The following C1orf94 variants were observed in gnomAD, a reference collection of about 807,000 sequenced individuals.
The protein encoded by C1orf94 is uncharacterized protein C1orf94.
C1orf94 carries 45 observed loss-of-function variants against 53.6 expected under a neutral mutation model. The ratio of observed to expected loss-of-function variants is 0.84; its 90% CI spans 0.66 to 1.08. The LOEUF (loss-of-function observed/expected upper bound fraction) is 1.08, where lower values mean the gene tolerates loss of function less well. Among genes scored for constraint, C1orf94 ranks in the 50% least tolerant of loss-of-function variants. The pLI is 0.00. For synonymous variants in C1orf94, 304 were observed against 296.1 expected (o/e 1.03, Z -0.27); for missense variants, 762 against 738.9 (o/e 1.03, Z -0.36).
chr1:34,198,076 C>T (rs1437427302), intron 2 of C1orf94, among the ~76,000 whole-genome samples, 163 bp downstream of exon 2: 4 of 152,238 alleles, frequency 2.6e-5, no homozygotes, highest in Non-Finnish European at 5.9e-5. Context: ...TTTCCAGCCC[C>T]CACAGGCTTA....
chr1:34,173,191 G>A (rs1445321039), upstream of C1orf94, among the ~76,000 whole-genome samples: 1 of 152,142 alleles, frequency 6.6e-6, no homozygotes, highest in Non-Finnish European at 1.5e-5. Context: ...TCTCGAGTAG[G>A]CACTAAGATT....
At chr1:34,168,415 G>A (rs1487174470) in intron 1 of C1orf94, among the ~76,000 whole-genome samples, 1 of 151,968 alleles carries the variant, frequency 6.6e-6, no homozygotes, top group Non-Finnish European at 1.5e-5. Flanking sequence ...GAGGAGGATG[G>A]GGCTGGATCC....
rs1326173584 is a variant in C1orf94 at position 34,188,989 on chromosome 1, C to T, written c.321-8236C>T. Among the ~76,000 whole-genome samples, 3 of 152,130 alleles carry T rather than the reference C, an allele frequency of 2.0e-5. No homozygotes were observed. In the East Asian group the frequency reaches 5.8e-4, roughly 29 times the overall value. On this transcript the variant is annotated intron_variant, in intron 1 of 6. Transcript: ENST00000488417. ...CCACCTTCCTTCCCTGTTTTCTTTC[C>T]TTCCTGCTGGTTTTCCAAGCAGGAA...
intron 1 of C1orf94, among the ~76,000 whole-genome samples, chr1:34,168,012 T>C (rs1055032413): frequency 6.6e-6 from 1 of 152,206 alleles, no homozygotes; most frequent in Non-Finnish European, 1.5e-5. Flanking sequence ...AAAATATGTA[T>C]ACAAATACAC....
chr1:34,181,153 C>T (rs965960177), intron 1 of C1orf94, among the ~76,000 whole-genome samples: 6 of 152,148 alleles, frequency 3.9e-5, no homozygotes, highest in Non-Finnish European at 8.8e-5. Flanking sequence ...AAATCTATGT[C>T]TTTTTTCTTT....
upstream of C1orf94, among the ~76,000 whole-genome samples, chr1:34,175,630 G>C (rs1159626482): frequency 6.6e-6 from 1 of 152,142 alleles, no homozygotes; most frequent in Admixed American, 6.5e-5. Context: ...GAGCAAGGTT[G>C]CGTATTGGGC....
At chr1:34,206,217 G>A (rs978569091) in intron 4 of C1orf94, among the ~76,000 whole-genome samples, 2 of 152,126 alleles carry the variant, frequency 1.3e-5, no homozygotes, top group Admixed American at 6.5e-5. Flanking sequence ...GGAGGACCAG[G>A]GCCACCAGCT....
At chr1:34,198,842 T>C (rs1201738806) in intron 2 of C1orf94, among the ~76,000 whole-genome samples, 1 of 152,208 alleles carries the variant, frequency 6.6e-6, no homozygotes, top group African/African-American at 2.4e-5. Flanking sequence ...CTGGACAGGC[T>C]TCTAGGAGCC....
At chr1:34,205,967 C>T (rs1233929802) in intron 4 of C1orf94, among the ~76,000 whole-genome samples, 1 of 152,160 alleles carries the variant, frequency 6.6e-6, no homozygotes, top group Non-Finnish European at 1.5e-5. Context: ...TTTACCCTTG[C>T]CTGTGATGTT....
chr1:34,201,056 G>A, intron 3 of C1orf94, 24 bp downstream of exon 3: 1 of 1,560,952 alleles, frequency 6.4e-7, no homozygotes, highest in Non-Finnish European at 8.7e-7. Flanking sequence ...CCCAGGGAGG[G>A]ATTGGAGGGG....
rs1043421578 is a variant in C1orf94, at chr1:34,208,044, G to A, written c.1447-113G>A. The A allele has an allele frequency of 1.0e-5, 11 of 1,048,752 alleles. No homozygotes were observed. The African/African-American group carries it at 1.7e-4, about 17-fold the overall frequency. The allele number at this position is 1,048,752 out of a possible 1,614,324, so 65.0% of individuals were successfully genotyped here. A position where few individuals can be genotyped will look rare whatever the true frequency, so the allele number is the denominator to read the frequency against. ...TGGCCTCAGACAGCCCATGGGTCTGGTCAGCAATGTGATGGGACAAACTCA... is the reference window on the plus strand; with the variant it reads ...TGGCCTCAGACAGCCCATGGGTCTGATCAGCAATGTGATGGGACAAACTCA... On this transcript the variant is annotated intron_variant, in intron 4 of 6. Transcript: ENST00000488417.
Position 34,202,213 on chromosome 1 carries a change from C to T in C1orf94, c.1400C>T (p.Pro467Leu). 1 of 1,614,240 alleles carries T rather than the reference C, an allele frequency of 6.2e-7. No homozygotes were observed. The highest frequency in any genetic ancestry group is 8.5e-7 in the Non-Finnish European group (1 of 1,180,042). Residue 467 changes from proline (P) to leucine (L), a missense_variant, in exon 4 of 7, where the codon CCA becomes CTA. Pro to Leu is a moderately conservative substitution (Grantham distance 98). Transcript: ENST00000488417. ...NQPLWLNLNYPPPPVFTNHST... is the reference protein window; with the variant it reads ...NQPLWLNLNYLPPPVFTNHST... ...CCACTCTGGCTCAACCTGAACTATCCACCTCCACCAGTGTTCACGAATCAC... is the reference window on the plus strand; with the variant it reads ...CCACTCTGGCTCAACCTGAACTATCTACCTCCACCAGTGTTCACGAATCAC...
At chr1:34,179,690 C>G (rs992702622) in intron 1 of C1orf94, among the ~76,000 whole-genome samples, 1 of 152,188 alleles carries the variant, frequency 6.6e-6, no homozygotes, top group Admixed American at 6.5e-5. Flanking sequence ...ATGCATTATA[C>G]AAATCAGGCT....
At chr1:34,173,861 A>C (rs953672798), upstream of C1orf94, among the ~76,000 whole-genome samples, 2 of 152,246 alleles carry the variant, frequency 1.3e-5, no homozygotes, top group African/African-American at 4.8e-5. Flanking sequence ...AAAAAGACAG[A>C]GACCAAACTC....
At chr1:34,184,341 T>C (rs961513029) in intron 1 of C1orf94, among the ~76,000 whole-genome samples, 5 of 152,184 alleles carry the variant, frequency 3.3e-5, no homozygotes, top group African/African-American at 9.6e-5. Context: ...CATGTGTTAG[T>C]GACCGGGAGA....
intron 2 of C1orf94, 65 bp from the exon 3 acceptor site, chr1:34,200,707 A>G: frequency 6.3e-7 from 1 of 1,590,652 alleles, no homozygotes; most frequent in Non-Finnish European, 8.6e-7. Flanking sequence ...GTCCACAAAA[A>G]GGTGCTTCCA....
chr1:34,184,354 G>T (rs190610698), intron 1 of C1orf94, among the ~76,000 whole-genome samples: 50 of 152,268 alleles, frequency 3.3e-4, no homozygotes, highest in African/African-American at 1.1e-3. Context: ...CCGGGAGAAG[G>T]TGGCTCGAGC....
intron 6 of C1orf94, among the ~76,000 whole-genome samples, chr1:34,215,275 C>G (rs1642965419): frequency 6.6e-6 from 1 of 152,146 alleles, no homozygotes; most frequent in Non-Finnish European, 1.5e-5. Flanking sequence ...GCAGCACAAA[C>G]AGTGAGGGAG....
At chr1:34,186,544 G>A (rs1642387666) in intron 1 of C1orf94, among the ~76,000 whole-genome samples, 1 of 152,172 alleles carries the variant, frequency 6.6e-6, no homozygotes, top group East Asian at 1.9e-4. Context: ...GGGCATAAAG[G>A]GAGATCATAG....
Sources: allele counts gnomAD v4.1 joint callset (sites outside exome capture counted in the v4.1 genomes callset), GRCh38; gene constraint gnomAD v4.1.1; transcripts MANE v1.5; gene names NCBI Gene and HGNC (gene_info 2026-07-23, HGNC 2026-07-21).